The following PHF12 variants were observed in gnomAD, a reference collection of about 807,000 sequenced individuals.
The protein encoded by PHF12 is PHD finger protein 12.
A neutral mutation model predicts 99.8 loss-of-function variants in PHF12; 6 were observed. The observed-to-expected ratio is 0.06, with a 90% CI of 0.03 to 0.12. The LOEUF (loss-of-function observed/expected upper bound fraction) is 0.12. Ranked by LOEUF, PHF12 falls within the 10% of genes least tolerant of loss-of-function variation. The pLI is 1.00. For synonymous variants in PHF12, 480 were observed against 514.9 expected, an observed-to-expected ratio of 0.93 and a Z score of 0.92; for missense variants, 954 against 1,300.1, an observed-to-expected ratio of 0.73 and a Z score of 4.09.
chr17:28,938,707 A>G (rs1413632089), intron 2 of PHF12, among the ~76,000 whole-genome samples: 3 of 151,968 alleles, frequency 2.0e-5, no homozygotes, highest in East Asian at 1.9e-4. Context: ...CCATCCCCCA[A>G]TTCCACTCAT....
chr17:28,933,106 T>A (rs538822279), intron 2 of PHF12, among the ~76,000 whole-genome samples: 7 of 152,284 alleles, frequency 4.6e-5, no homozygotes, highest in African/African-American at 1.4e-4. Flanking sequence ...CATGTATCAA[T>A]GAAGACAGGG....
intron 11 of PHF12, 68 bp downstream of exon 11, chr17:28,910,158 G>GC (rs1258703123): frequency 5.6e-6 from 9 of 1,603,184 alleles, no homozygotes; most frequent in Admixed American, 1.7e-5. Flanking sequence ...CTCCATGGAG[G>GC]CAAGGTGACC....
intron 5 of PHF12, among the ~76,000 whole-genome samples, chr17:28,921,241 G>C (rs1297030101): frequency 1.3e-5 from 2 of 152,094 alleles, no homozygotes; most frequent in African/African-American, 2.4e-5. Flanking sequence ...GGAGTGCAGT[G>C]GCGTGATCAC....
intron 2 of PHF12, among the ~76,000 whole-genome samples, chr17:28,933,873 C>G (rs1007686611): frequency 6.6e-6 from 1 of 152,076 alleles, no homozygotes; most frequent in Non-Finnish European, 1.5e-5. Context: ...CATGGTGAGA[C>G]CCCATTTCTA....
At chr17:28,917,992 A>C (rs141985395) in intron 6 of PHF12, among the ~76,000 whole-genome samples, 1 of 152,204 alleles carries the variant, frequency 6.6e-6, no homozygotes, top group Admixed American at 6.5e-5. Flanking sequence ...ACCCATCTTG[A>C]TATCAGTCTT....
intron 5 of PHF12, 148 bp from the exon 6 acceptor site, chr17:28,919,423 G>A: frequency 1.8e-6 from 2 of 1,088,858 alleles, no homozygotes; most frequent in South Asian, 1.6e-5. Context: ...CAGTGATTCA[G>A]TTACATTTAT....
intron 2 of PHF12, among the ~76,000 whole-genome samples, chr17:28,937,680 A>T (rs1168035656): frequency 6.6e-6 from 1 of 152,162 alleles, no homozygotes; most frequent in Non-Finnish European, 1.5e-5. Context: ...TAGTACAGGG[A>T]AAAAAGGAAG....
At position 28,923,653 on chromosome 17, in the gene PHF12, C is replaced by CAAAAAA. The variant is rs35263191; in HGVS notation, c.715+250_715+255dup. On this transcript the variant is annotated intron_variant, in intron 4 of 14. Coordinates refer to ENST00000332830, the MANE Select transcript of PHF12 (RefSeq NM_001033561.2). ...AGCCTGAGTGACAAAGTGAGACTCA[C>CAAAAAA]AAAAAAAAAAAAAAAAAAAAAAGGA... Among the ~76,000 whole-genome samples, 79 of 43,468 alleles carry CAAAAAA rather than the reference C, an allele frequency of 1.8e-3. 5 individuals carry two copies. Among genetic ancestry groups the CAAAAAA allele is most frequent in the African/African-American group, 4.6e-3 (48 of 10,380 alleles). The allele number at this position is 43,468 out of a possible 152,430, so 28.5% of individuals were successfully genotyped here.
Position 28,950,040 on chromosome 17 carries a change from C to T in PHF12, c.248+25G>A, listed in dbSNP as rs757777639. The T allele has an allele frequency of 1.3e-6, 2 of 1,567,890 alleles. No individual in the cohort carries two copies. The highest frequency in any genetic ancestry group is 1.4e-5 in the African/African-American group (1 of 72,758). On this transcript the variant is annotated intron_variant, in intron 2 of 14. Coordinates refer to ENST00000332830, the MANE Select transcript of PHF12 (RefSeq NM_001033561.2). This position sits in a 1 kb window ranked among gnomAD's most constrained non-coding sequence, Gnocchi z 5.7. Reference sequence around the variant, plus strand: ...GCGCAGAGAAGGGTCCGCCAAGAAGCTCCAAAAGGGTCCCCAGACCTTACC... The same window carrying T: ...GCGCAGAGAAGGGTCCGCCAAGAAGTTCCAAAAGGGTCCCCAGACCTTACC...
Position 28,950,777 on chromosome 17 carries a change from G to C in PHF12, c.66+118C>G. 7.0e-7 allele frequency: 1 copy of C among 1,431,422 alleles called. No individual in the cohort carries two copies. Among genetic ancestry groups the C allele is most frequent in the Non-Finnish European group, 9.4e-7 (1 of 1,063,454 alleles). 88.7% of individuals were successfully genotyped at this position (1,431,422 alleles called of 1,614,324 possible). A position where few individuals can be genotyped will look rare whatever the true frequency, so the allele number is the denominator to read the frequency against. ...AGAGGGGAGGGAGAGGCTAGGTGAGGAAGAATCCCCCTCCCTCGGCCATCT... is the reference window on the plus strand; with the variant it reads ...AGAGGGGAGGGAGAGGCTAGGTGAGCAAGAATCCCCCTCCCTCGGCCATCT... On this transcript the variant is annotated intron_variant, in intron 1 of 14. Coordinates refer to ENST00000332830, the MANE Select transcript of PHF12 (RefSeq NM_001033561.2). This position sits in a 1 kb window ranked among gnomAD's most constrained non-coding sequence, Gnocchi z 5.7.
chr17:28,921,437 G>A (rs1050724487), intron 5 of PHF12, among the ~76,000 whole-genome samples: 1 of 152,146 alleles, frequency 6.6e-6, no homozygotes, highest in Non-Finnish European at 1.5e-5. Flanking sequence ...AGATTGCTGC[G>A]ATTACAGGCA....
chr17:28,951,182 G>A lies in PHF12; in HGVS notation c.-222C>T, dbSNP rs949287940. The A allele has an allele frequency of 7.1e-7, 1 of 1,414,022 alleles. No homozygotes were observed. The highest frequency in any genetic ancestry group is 1.5e-5 in the African/African-American group (1 of 68,266). 87.6% of individuals were successfully genotyped at this position (1,414,022 alleles called of 1,614,324 possible). The stretch of plus-strand genomic sequence containing the variant: ...AGGGGGGAGCGGCCCCTCAGTCCCG[G>A]CCCGGCTGCTGGCTGCACAGTGGGT... On this transcript the variant is annotated 5_prime_UTR_variant, in exon 1 of 15. Transcript: ENST00000332830.
At chr17:28,942,661 CAAAAAT>C (rs1202252822) in intron 2 of PHF12, among the ~76,000 whole-genome samples, 11 of 151,520 alleles carry the variant, frequency 7.3e-5, no homozygotes, top group African/African-American at 2.7e-4. Context: ...ACAAAAAATA[CAAAAAT>C]TAGCTGGGTG....
In PHF12 at chr17:28,916,656, T is replaced by C. The variant is rs190939729; in HGVS notation, c.1134+629A>G. On this transcript the variant is annotated intron_variant, in intron 7 of 14. Transcript: ENST00000332830. ...CCTCTAGGTTAACTGAATGAGGGGA[T>C]TGAATGGTTTAAAAACATCCTCACT... Among the ~76,000 whole-genome samples the C allele has an allele frequency of 6.6e-5, 10 of 152,370 alleles. No individual in the cohort carries two copies. The East Asian group carries it at 1.2e-3, about 18-fold the overall frequency.
chr17:28,907,241 G>A (rs1054105087), intron 13 of PHF12: 15 of 535,966 alleles, frequency 2.8e-5, no homozygotes, highest in African/African-American at 2.3e-4. Flanking sequence ...GCTCCTCTTG[G>A]TATGATACTC....
rs576235411 is a variant in PHF12, at chr17:28,906,736, C to T, written c.2680+120G>A. Reference sequence around the variant, plus strand: ...TTCTCTGTGGCCTGCCCTGGGCCCACGAGGAAGTAGAGCTTGGCCAATAGG... The same window carrying T: ...TTCTCTGTGGCCTGCCCTGGGCCCATGAGGAAGTAGAGCTTGGCCAATAGG... On this transcript the variant is annotated intron_variant, in intron 14 of 14. Coordinates refer to ENST00000332830, the MANE Select transcript of PHF12 (RefSeq NM_001033561.2). The surrounding 1 kb of genome is among the most constrained non-coding windows in gnomAD (Gnocchi z 4.2). The T allele has an allele frequency of 2.0e-5, 28 of 1,431,900 alleles. No homozygotes were observed. In the African/African-American group the frequency reaches 2.6e-4, roughly 13 times the overall value. 88.7% of individuals were successfully genotyped at this position (1,431,900 alleles called of 1,614,324 possible).
intron 4 of PHF12, among the ~76,000 whole-genome samples, chr17:28,923,097 T>C (rs576500944): frequency 6.6e-6 from 1 of 152,086 alleles, no homozygotes; most frequent in African/African-American, 2.4e-5. Flanking sequence ...GAACATATTT[T>C]AAAGTGAGAA....
At chr17:28,927,519 A>G (rs2040304414) in intron 2 of PHF12, among the ~76,000 whole-genome samples, 1 of 152,192 alleles carries the variant, frequency 6.6e-6, no homozygotes, top group South Asian at 2.1e-4. Flanking sequence ...ATGCCTGTCA[A>G]AACTCTATTC....
intron 2 of PHF12, among the ~76,000 whole-genome samples, chr17:28,935,066 G>C (rs1209740230): frequency 1.3e-5 from 2 of 152,160 alleles, no homozygotes; most frequent in Admixed American, 6.5e-5. Context: ...AAAGAGCATA[G>C]CCTGCATTGC....
Sources: allele counts gnomAD v4.1 joint callset (sites outside exome capture counted in the v4.1 genomes callset), GRCh38; gene constraint gnomAD v4.1.1; non-coding constraint Gnocchi (gnomAD v3.1); transcripts MANE v1.5; gene names NCBI Gene and HGNC (gene_info 2026-07-23, HGNC 2026-07-21).